The following DPP10 variants were observed in gnomAD, a reference collection of about 807,000 sequenced individuals.
DPP10 encodes dipeptidyl peptidase like 10.
In DPP10, 33 loss-of-function variants were observed where a neutral mutation model predicts 120.9. The observed-to-expected ratio is 0.27, with a 90% CI of 0.21 to 0.37. The LOEUF is 0.37. DPP10 is among the 10% of genes least tolerant of loss of function. The pLI, the probability that DPP10 is intolerant of heterozygous loss-of-function variation, is 1.00. For synonymous variants in DPP10, 337 were observed against 326.1 expected (o/e 1.03, Z -0.36); for missense variants, 816 against 942.8 (o/e 0.87, Z 1.76).
intron 1 of DPP10, among the ~76,000 whole-genome samples, chr2:114,557,738 C>T (rs1288103505): frequency 6.6e-6 from 1 of 152,080 alleles, no homozygotes; most frequent in Non-Finnish European, 1.5e-5. Flanking sequence ...TTTCTAATGG[C>T]TCGGCTCGCG....
intron 5 of DPP10, among the ~76,000 whole-genome samples, chr2:115,641,150 T>C (rs2086743530): frequency 6.6e-6 from 1 of 152,188 alleles, no homozygotes; most frequent in Admixed American, 6.5e-5. Context: ...CCCTCTCTCC[T>C]AGCCCAAGCC....
intron 1 of DPP10, among the ~76,000 whole-genome samples, chr2:114,731,409 T>G (rs1396555649): frequency 6.6e-6 from 1 of 152,160 alleles, no homozygotes; most frequent in African/African-American, 2.4e-5. Flanking sequence ...AAGGTCTCTC[T>G]CAGGAGAGCA....
chr2:115,772,272 G>C (rs1209581738), intron 13 of DPP10, among the ~76,000 whole-genome samples: 1 of 152,022 alleles, frequency 6.6e-6, no homozygotes. Flanking sequence ...TTGTTGTTCT[G>C]TGTTTAATTT....
In DPP10 at chr2:114,625,468, A is replaced by G. The variant is rs185773461; in HGVS notation, c.60+182630A>G. On this transcript the variant is annotated intron_variant, in intron 1 of 25. Transcript: ENST00000410059. ...TGGTAATTATCATTTAGGACTGACA[A>G]AAAAGCAATATTTTAATTCTATCAT... Among the ~76,000 whole-genome samples the G allele has an allele frequency of 1.2e-3, 189 of 152,102 alleles. 1 individual carries two copies. Among genetic ancestry groups the G allele is most frequent in the African/African-American group, 4.4e-3 (183 of 41,550 alleles).
At chr2:114,482,152 G>A (rs186565219) in intron 1 of DPP10, among the ~76,000 whole-genome samples, 1 of 152,096 alleles carries the variant, frequency 6.6e-6, no homozygotes, top group South Asian at 2.1e-4. Context: ...ATATTTGGGT[G>A]AGAACACAGA....
At chr2:114,617,303 T>C (rs1037274102) in intron 1 of DPP10, among the ~76,000 whole-genome samples, 3 of 152,066 alleles carry the variant, frequency 2.0e-5, no homozygotes, top group Admixed American at 2.0e-4. Flanking sequence ...TAATATAGTA[T>C]TGTAGTTAGT....
chr2:114,528,617 G>T (rs1685702349), intron 1 of DPP10, among the ~76,000 whole-genome samples: 1 of 151,266 alleles, frequency 6.6e-6, no homozygotes. Flanking sequence ...GTAGCTTGAT[G>T]GTTCATATAG....
chr2:115,118,520 C>T (rs1426644723), intron 1 of DPP10, among the ~76,000 whole-genome samples: 1 of 152,040 alleles, frequency 6.6e-6, no homozygotes, highest in Non-Finnish European at 1.5e-5. Context: ...TGGCTGAGGG[C>T]CAGAAGTAGG....
At chr2:115,291,006 A>G (rs2060629854) in intron 1 of DPP10, among the ~76,000 whole-genome samples, 1 of 151,886 alleles carries the variant, frequency 6.6e-6, no homozygotes, top group Non-Finnish European at 1.5e-5. Flanking sequence ...TTTGTCCCTG[A>G]GTTTATTATT....
At chr2:115,313,307 C>T (rs1329589864) in intron 2 of DPP10, among the ~76,000 whole-genome samples, 4 of 152,248 alleles carry the variant, frequency 2.6e-5, no homozygotes, top group African/African-American at 9.6e-5. Context: ...TCTATGGCTT[C>T]AGTGTTTCAT....
chr2:115,637,331 A>G (rs1353732243), intron 5 of DPP10, among the ~76,000 whole-genome samples: 3 of 152,200 alleles, frequency 2.0e-5, no homozygotes, highest in Non-Finnish European at 4.4e-5. Context: ...GTAACTGTAT[A>G]CTATGGCTTT....
chr2:114,575,897 T>C (rs1416114651), intron 1 of DPP10, among the ~76,000 whole-genome samples: 1 of 151,956 alleles, frequency 6.6e-6, no homozygotes, highest in Non-Finnish European at 1.5e-5. Flanking sequence ...TTATTCTGCC[T>C]CCAGACAATA....
intron 1 of DPP10, among the ~76,000 whole-genome samples, chr2:114,942,320 T>TATACATATATATATATATATATAC (rs869121143): frequency 3.2e-5 from 4 of 123,978 alleles, no homozygotes; most frequent in East Asian, 5.4e-4. Context: ...TATATATATA[T>TATACATATATATATATATATATAC]ACACACACAT....
rs1261186709 is a variant in DPP10, at chr2:114,442,679, C to T, written c.-100C>T. 4.4e-6 allele frequency: 6 copies of T among 1,365,112 alleles called. No individual in the cohort carries two copies. The African/African-American group carries it at 7.2e-5, about 16-fold the overall frequency. The allele number at this position is 1,365,112 out of a possible 1,614,324, so 84.6% of individuals were successfully genotyped here. A position where few individuals can be genotyped will look rare whatever the true frequency, so the allele number is the denominator to read the frequency against. On this transcript the variant is annotated 5_prime_UTR_variant, in exon 1 of 26. Coordinates refer to ENST00000410059, the MANE Select transcript of DPP10 (RefSeq NM_020868.6). ...GCAACAGCAGTAGCAGCGGCAGCAG[C>T]AACAGCAGCAGCCCCTACTGAAGTC... is the stretch of plus-strand genomic sequence containing the variant.
chr2:115,354,646 T>C (rs570339993), intron 3 of DPP10, among the ~76,000 whole-genome samples: 9 of 152,078 alleles, frequency 5.9e-5, no homozygotes, highest in African/African-American at 2.2e-4. Flanking sequence ...TAGGTATACA[T>C]GTGCCATGGT....
intron 1 of DPP10, chr2:114,462,162 T>C: frequency 4.1e-6 from 4 of 984,966 alleles, no homozygotes; most frequent in Non-Finnish European, 3.6e-6. Context: ...TATTAAAAAA[T>C]ACACATTAAA....
chr2:114,548,384 T>C (rs1687598248), intron 1 of DPP10, among the ~76,000 whole-genome samples: 1 of 152,058 alleles, frequency 6.6e-6, no homozygotes, highest in Non-Finnish European at 1.5e-5. Flanking sequence ...GAGATGGGGG[T>C]GTTGCGACAT....
intron 1 of DPP10, among the ~76,000 whole-genome samples, chr2:114,628,990 T>C (rs1223203557): frequency 1.3e-5 from 2 of 152,148 alleles, no homozygotes; most frequent in Non-Finnish European, 2.9e-5. Flanking sequence ...CATGAGAATT[T>C]ATCTAGAATA....
intron 3 of DPP10, among the ~76,000 whole-genome samples, chr2:115,404,709 T>C (rs567425166): frequency 6.6e-6 from 1 of 152,222 alleles, no homozygotes; most frequent in African/African-American, 2.4e-5. Context: ...TTGATCAGCA[T>C]CTGATGAGGG....
Sources: gnomAD v4.1 joint callset for allele counts (sites outside exome capture counted in the v4.1 genomes callset) on GRCh38, gnomAD v4.1.1 for gene constraint, MANE v1.5 for transcripts, NCBI Gene and HGNC (gene_info 2026-07-23, HGNC 2026-07-21) for gene names.